Variants in TENM3 observed in about 807,000 individuals in gnomAD.
The protein encoded by TENM3 is teneurin-3.
In TENM3, 63 loss-of-function variants were observed where a neutral mutation model predicts 255.1. The observed-to-expected ratio is 0.25, with a 90% CI of 0.20 to 0.30. TENM3 has a LOEUF of 0.30. Ranked by LOEUF, TENM3 falls within the 10% of genes least tolerant of loss-of-function variation. The pLI is 1.00. For synonymous variants in TENM3, 1,306 were observed against 1,322.3 expected (o/e 0.99, Z 0.27); for missense variants, 2,929 against 3,461.1 (o/e 0.85, Z 3.86).
At chr4:182,459,604 A>G (rs911372374) in intron 3 of TENM3, among the ~76,000 whole-genome samples, 1 of 152,192 alleles carries the variant, frequency 6.6e-6, no homozygotes, top group Non-Finnish European at 1.5e-5. Context: ...AATTTCATGC[A>G]TATTACATTT....
the TENM3 span, among the ~76,000 whole-genome samples, chr4:181,632,092 C>A: frequency 1.3e-5 from 2 of 152,036 alleles, no homozygotes; most frequent in Non-Finnish European, 2.9e-5. Flanking sequence ...AAAGAACTAC[C>A]GGAGACAGGG....
intron 3 of TENM3, among the ~76,000 whole-genome samples, chr4:182,440,967 T>C (rs2151255212): frequency 6.6e-6 from 1 of 152,240 alleles, no homozygotes; most frequent in East Asian, 1.9e-4. Flanking sequence ...CCTTTTCTGC[T>C]TAAGTTAGAG....
At chr4:181,901,280 C>T in the TENM3 span, among the ~76,000 whole-genome samples, 3 of 152,076 alleles carry the variant, frequency 2.0e-5, no homozygotes, top group Admixed American at 1.3e-4. Flanking sequence ...ATGGAGTGAC[C>T]ATATCCACTA....
At chr4:182,130,166 T>C in the TENM3 span, among the ~76,000 whole-genome samples, 3 of 152,304 alleles carry the variant, frequency 2.0e-5, no homozygotes, top group East Asian at 5.8e-4. Context: ...CAATTTAATT[T>C]AAATCTAGAT....
chr4:182,219,593 A>G, intron 1 of TENM3, among the ~76,000 whole-genome samples: 1 of 152,108 alleles, frequency 6.6e-6, no homozygotes, highest in African/African-American at 2.4e-5. Context: ...TGAGCTCAGG[A>G]GGCTGAGGCT....
At chr4:182,467,788 A>T (rs771240309) in intron 3 of TENM3, among the ~76,000 whole-genome samples, 2 of 152,204 alleles carry the variant, frequency 1.3e-5, no homozygotes, top group African/African-American at 2.4e-5. Flanking sequence ...ATCTTTATGA[A>T]CACGCACCCT....
intron 1 of TENM3, among the ~76,000 whole-genome samples, chr4:182,274,149 G>A (rs76601598): frequency 1.5e-3 from 222 of 152,314 alleles, no homozygotes; most frequent in African/African-American, 5.0e-3. Flanking sequence ...CTAACATCAC[G>A]GTAGTAGCAT....
At chr4:181,743,680 G>A in the TENM3 span, among the ~76,000 whole-genome samples, 1 of 152,106 alleles carries the variant, frequency 6.6e-6, no homozygotes, top group Non-Finnish European at 1.5e-5. Context: ...CACAGACTCA[G>A]AAAAGGGGGG....
At chr4:181,476,202 A>C in the TENM3 span, among the ~76,000 whole-genome samples, 1 of 28,758 alleles carries the variant, frequency 3.5e-5, no homozygotes, top group Non-Finnish European at 7.2e-5. Context: ...AAGACATTTT[A>C]GGGGTTTTTT....
At chr4:181,500,978 A>G in the TENM3 span, among the ~76,000 whole-genome samples, 1 of 152,120 alleles carries the variant, frequency 6.6e-6, no homozygotes, top group African/African-American at 2.4e-5. Flanking sequence ...CAGTACCCCT[A>G]ATCTCTTGTT....
the TENM3 span, among the ~76,000 whole-genome samples, chr4:181,963,969 G>A: frequency 1.3e-5 from 2 of 152,012 alleles, no homozygotes; most frequent in Admixed American, 6.6e-5. Context: ...TTTTATACTT[G>A]ATGTAAGAAA....
chr4:182,108,679 A>C, the TENM3 span, among the ~76,000 whole-genome samples: 1 of 152,180 alleles, frequency 6.6e-6, no homozygotes, highest in African/African-American at 2.4e-5. Flanking sequence ...GAAGAGGATA[A>C]TTCCAAATAC....
At chr4:181,566,916 G>A in the TENM3 span, among the ~76,000 whole-genome samples, 1 of 152,166 alleles carries the variant, frequency 6.6e-6, no homozygotes, top group Non-Finnish European at 1.5e-5. Context: ...GCCTCTAATA[G>A]TGCTTGGATG....
chr4:181,997,781 C>T, the TENM3 span, among the ~76,000 whole-genome samples: 1 of 152,168 alleles, frequency 6.6e-6, no homozygotes, highest in Non-Finnish European at 1.5e-5. Flanking sequence ...CACTCACCCT[C>T]TTCCACAGAG....
chr4:181,736,161 G>T, the TENM3 span, among the ~76,000 whole-genome samples: 1 of 152,156 alleles, frequency 6.6e-6, no homozygotes, highest in Non-Finnish European at 1.5e-5. Context: ...AGCCGGGCGT[G>T]GTGGCACGTG....
At chr4:182,519,021 C>G (rs1738286521) in intron 3 of TENM3, among the ~76,000 whole-genome samples, 1 of 151,994 alleles carries the variant, frequency 6.6e-6, no homozygotes, top group Non-Finnish European at 1.5e-5. Flanking sequence ...TGAAACTTAC[C>G]CAAGTTCCTT....
At chr4:181,745,218 T>C in the TENM3 span, among the ~76,000 whole-genome samples, 4,141 of 152,182 alleles carry the variant, frequency 0.027, 183 homozygotes, top group East Asian at 0.18. Flanking sequence ...TAAAATCCCG[T>C]CATTATGTCA....
At chr4:182,711,035 C>G (rs985626439) in intron 12 of TENM3, among the ~76,000 whole-genome samples, 1 of 152,210 alleles carries the variant, frequency 6.6e-6, no homozygotes, top group African/African-American at 2.4e-5. Context: ...GCTATATATG[C>G]GATAAATCAT....
chr4:182,373,366 C>T (rs1032041456), intron 3 of TENM3, among the ~76,000 whole-genome samples: 13 of 152,216 alleles, frequency 8.5e-5, no homozygotes, highest in Admixed American at 2.6e-4. Flanking sequence ...TAATTTATAA[C>T]GAAAGAGGTT....
Sources: gnomAD v4.1 joint callset for allele counts (sites outside exome capture counted in the v4.1 genomes callset) on GRCh38, gnomAD v4.1.1 for gene constraint, MANE v1.5 for transcripts, NCBI Gene and HGNC (gene_info 2026-07-23, HGNC 2026-07-21) for gene names.